HELLS: variants seen among roughly 807,000 people sequenced by gnomAD.
HELLS encodes the protein helicase, lymphoid specific.
A neutral mutation model predicts 120.0 loss-of-function variants in HELLS; 32 were observed. That is an observed-to-expected ratio of 0.27 (90% CI 0.20 to 0.36). The LOEUF is 0.36. Among genes scored for constraint, HELLS ranks in the 10% least tolerant of loss-of-function variants. The probability of loss-of-function intolerance (pLI) is 1.00; values close to 1 mark genes in which losing one functional copy is unlikely to be tolerated. For synonymous variants in HELLS, 341 were observed against 323.4 expected (o/e 1.05, Z -0.58); for missense variants, 650 against 993.4 (o/e 0.65, Z 4.65).
At chr10:94,610,220 T>C (rs1398135723) in exon 10 of HELLS, 1 of 152,112 alleles carries the variant, frequency 6.6e-6, no homozygotes, top group Admixed American at 6.6e-5. Flanking sequence ...TATAACAGCA[T>C]GTTGGAAACA....
At chr10:94,575,528 T>A (rs1844399488) in intron 9 of HELLS, among the ~76,000 whole-genome samples, 1 of 151,944 alleles carries the variant, frequency 6.6e-6, no homozygotes, top group South Asian at 2.1e-4. Context: ...GGAGTCTGTC[T>A]CTGTCACCAT....
chr10:94,588,315 A>G lies in HELLS; in HGVS notation c.1413A>G (p.Pro471=). The change falls in exon 13 of 22, where the codon CCA becomes CCG. Residue 471 remains proline (P), a synonymous_variant. Coordinates refer to ENST00000348459, the MANE Select transcript of HELLS (RefSeq NM_018063.5). The part of the protein sequence containing the change: ...PPKREVVVYA[P]LSKKQEIFYT... ...AACGAGAAGTAGTCGTTTATGCTCC[A>G]CTTTCAAAGAAGCAGGAGATCTTTT... is the stretch of plus-strand genomic sequence containing the variant. The G allele has an allele frequency of 1.2e-6, 2 of 1,612,226 alleles. No homozygotes were observed. Among genetic ancestry groups the G allele is most frequent in the South Asian group, 2.2e-5 (2 of 90,860 alleles).
intron 12 of HELLS, 92 bp from the exon 13 acceptor site, chr10:94,588,137 A>AAAGATAAAGGT: frequency 1.6e-6 from 1 of 621,454 alleles, no homozygotes; most frequent in Non-Finnish European, 2.6e-6. Context: ...TAGGAAGTCA[A>AAAGATAAAGGT]AAGATAAGGT....
At chr10:94,586,780 C>T (rs988492213) in intron 12 of HELLS, among the ~76,000 whole-genome samples, 1 of 152,032 alleles carries the variant, frequency 6.6e-6, no homozygotes, top group Non-Finnish European at 1.5e-5. Context: ...CAACCTCTGT[C>T]TCCCAAGTTC....
intron 7 of HELLS, among the ~76,000 whole-genome samples, chr10:94,571,816 C>A (rs927419433): frequency 2.0e-5 from 3 of 152,166 alleles, no homozygotes; most frequent in Non-Finnish European, 4.4e-5. Flanking sequence ...CTTAAAAGTT[C>A]TGTTTGAGAA....
chr10:94,546,587 A>G (rs1392995697), intron 2 of HELLS, 89 bp downstream of exon 2: 15 of 1,419,466 alleles, frequency 1.1e-5, no homozygotes, highest in Non-Finnish European at 1.4e-5. Flanking sequence ...TTGCTTTCCT[A>G]TTTAGTGGGC....
intron 6 of HELLS, among the ~76,000 whole-genome samples, chr10:94,564,231 C>T (rs1425278429): frequency 6.6e-6 from 1 of 152,120 alleles, no homozygotes; most frequent in African/African-American, 2.4e-5. Flanking sequence ...ACTGTGGAAA[C>T]AACAGGCATG....
At chr10:94,567,076 G>A (rs79704832) in intron 6 of HELLS, among the ~76,000 whole-genome samples, 4,258 of 152,040 alleles carry the variant, frequency 0.028, 97 homozygotes, top group South Asian at 0.045. Context: ...CACCTTACTT[G>A]CTGAAGAATC....
chr10:94,589,162 A>T (rs75132949), intron 13 of HELLS, among the ~76,000 whole-genome samples: 4 of 141,090 alleles, frequency 2.8e-5, no homozygotes, highest in African/African-American at 6.1e-5. Flanking sequence ...AAAAATAAAT[A>T]AAAAAAAAAT....
chr10:94,581,200 T>TA, intron 10 of HELLS, 126 bp from the exon 11 acceptor site: 2 of 557,910 alleles, frequency 3.6e-6, no homozygotes, highest in Non-Finnish European at 6.2e-6. Flanking sequence ...TTTCAGTAGT[T>TA]ACTGAAATTA....
intron 2 of HELLS, among the ~76,000 whole-genome samples, chr10:94,547,284 A>G (rs1308386572): frequency 1.3e-5 from 2 of 152,132 alleles, no homozygotes; most frequent in Non-Finnish European, 2.9e-5. Context: ...CGATATTATG[A>G]TATAGGTTAT....
chr10:94,606,540 G>T (rs138194879), downstream of HELLS, among the ~76,000 whole-genome samples: 40 of 152,076 alleles, frequency 2.6e-4, no homozygotes, highest in Admixed American at 2.6e-4. Flanking sequence ...TCTTGAGACA[G>T]GGTCTTGCTA....
intron 10 of HELLS, chr10:94,577,160 T>C: frequency 2.5e-6 from 1 of 397,140 alleles, no homozygotes; most frequent in Admixed American, 3.7e-5. Context: ...TGAAGACAAG[T>C]TATTTTTAGA....
At position 94,593,489 on chromosome 10, in the gene HELLS, T is replaced by C. The variant is rs768963861; in HGVS notation, c.1972-10T>C. On this transcript the variant is annotated splice_polypyrimidine_tract_variant and intron_variant, in intron 17 of 21. Coordinates refer to ENST00000348459, the MANE Select transcript of HELLS (RefSeq NM_018063.5). ...TTAATCTGTTGTATTTACATCCTTTTTGCTTTTAGATGCACAGCTTCAACA... is the reference window on the plus strand; with the variant it reads ...TTAATCTGTTGTATTTACATCCTTTCTGCTTTTAGATGCACAGCTTCAACA... The C allele has an allele frequency of 6.5e-6, 10 of 1,534,708 alleles. No homozygotes were observed. Among genetic ancestry groups the C allele is most frequent in the Non-Finnish European group, 8.1e-6 (9 of 1,108,102 alleles).
chr10:94,562,313 G>T (rs1198371461), intron 4 of HELLS, among the ~76,000 whole-genome samples: 4 of 152,098 alleles, frequency 2.6e-5, no homozygotes. Flanking sequence ...TGAAGCAGGG[G>T]AATCTCTTGA....
downstream of HELLS, among the ~76,000 whole-genome samples, chr10:94,603,003 A>G (rs1478884328): frequency 6.6e-6 from 1 of 152,036 alleles, no homozygotes; most frequent in Non-Finnish European, 1.5e-5. Context: ...TTTGCTCCCT[A>G]TTGCCCTGAG....
intron 6 of HELLS, among the ~76,000 whole-genome samples, chr10:94,567,110 A>T (rs1843840652): frequency 6.6e-6 from 1 of 152,124 alleles, no homozygotes; most frequent in South Asian, 2.1e-4. Context: ...ATGCATTTGG[A>T]GGGGTATAAC....
At chr10:94,568,225 A>T (rs1367524570) in intron 6 of HELLS, among the ~76,000 whole-genome samples, 7 of 132,180 alleles carry the variant, frequency 5.3e-5, no homozygotes, top group Admixed American at 7.6e-5. Context: ...TTTTTTTTTT[A>T]AAGAGTAGCC....
Position 94,590,781 on chromosome 10 carries a change from A to G in HELLS, c.1767+5A>G, listed in dbSNP as rs373544313. 1 of 1,428,908 alleles carries G rather than the reference A, an allele frequency of 7.0e-7. No individual in the cohort carries two copies. Among genetic ancestry groups the G allele is most frequent in the Non-Finnish European group, 9.6e-7 (1 of 1,045,310 alleles). 88.5% of individuals were successfully genotyped at this position (1,428,908 alleles called of 1,614,324 possible). A position where few individuals can be genotyped will look rare whatever the true frequency, so the allele number is the denominator to read the frequency against. On this transcript the variant is annotated splice_donor_5th_base_variant and intron_variant, in intron 15 of 21. Transcript: ENST00000348459. ...CCTGTTACACAAGAATTTAAGGTGAATACTGTTTAATTCTAATTTACTGTT... is the reference window on the plus strand; with the variant it reads ...CCTGTTACACAAGAATTTAAGGTGAGTACTGTTTAATTCTAATTTACTGTT...
Sources: gnomAD v4.1 joint callset for allele counts (sites outside exome capture counted in the v4.1 genomes callset) on GRCh38, gnomAD v4.1.1 for gene constraint, MANE v1.5 for transcripts, NCBI Gene and HGNC (gene_info 2026-07-23, HGNC 2026-07-21) for gene names.